MB21D2: variants seen among roughly 807,000 people sequenced by gnomAD.
MB21D2 encodes Mab-21 domain containing 2, also known as nucleotidyltransferase MB21D2.
In MB21D2, 9 loss-of-function variants were observed where a neutral mutation model predicts 33.3. The ratio of observed to expected loss-of-function variants is 0.27; its 90% CI spans 0.16 to 0.47. MB21D2 has a LOEUF of 0.47. Among genes scored for constraint, MB21D2 ranks in the 20% least tolerant of loss-of-function variants. MB21D2 has a pLI of 0.99. For synonymous variants in MB21D2, 241 were observed against 236.3 expected, an observed-to-expected ratio of 1.02 and a Z score of -0.18; for missense variants, 540 against 624.6, an observed-to-expected ratio of 0.86 and a Z score of 1.44.
chr3:192,851,329 T>A (rs1212518999), intron 1 of MB21D2, among the ~76,000 whole-genome samples: 1 of 152,060 alleles, frequency 6.6e-6, no homozygotes, highest in Non-Finnish European at 1.5e-5. Context: ...AAAGGAGATT[T>A]GTGTCTGCCA....
At chr3:192,828,591 CATATATATATATATATATATATATA>C (rs1437046207) in intron 1 of MB21D2, among the ~76,000 whole-genome samples, 686 of 54,132 alleles carry the variant, frequency 0.013, 111 homozygotes, top group Non-Finnish European at 0.02. Flanking sequence ...TCACCCCCCC[CATATATATATATATATATATATATA>C]TATATATATA....
rs528445361 is a variant in MB21D2, at chr3:192,797,402, G to A, written c.*984C>T. The A allele has an allele frequency of 6.6e-6, 1 of 152,422 alleles. No homozygotes were observed. Among genetic ancestry groups the A allele is most frequent in the South Asian group, 2.1e-4 (1 of 4,804 alleles). The allele number at this position is 152,422 out of a possible 1,614,324, so 9.4% of individuals were successfully genotyped here. ...GTATATTTTCCCCAGCTTTAGATGGGGTCAACATGTATAAAGCTTTAACAA... is the reference window on the plus strand; with the variant it reads ...GTATATTTTCCCCAGCTTTAGATGGAGTCAACATGTATAAAGCTTTAACAA... On this transcript the variant is annotated 3_prime_UTR_variant, in exon 2 of 2. Transcript: ENST00000392452.
Position 192,797,721 on chromosome 3 carries a change from G to T in MB21D2, c.*665C>A, listed in dbSNP as rs6780822. 0.59 allele frequency: 89,815 copies of T among 152,404 alleles called. 27,885 individuals carry two copies. Among genetic ancestry groups the T allele is most frequent in the African/African-American group, 0.79 (32,912 of 41,476 alleles). The allele number at this position is 152,404 out of a possible 1,614,324, so 9.4% of individuals were successfully genotyped here. A position where few individuals can be genotyped will look rare whatever the true frequency, so the allele number is the denominator to read the frequency against. ...ATTAACATTTGGAAACCTTAATTCT[G>T]CTTGGAAAACTGTCAAAGACACCCT... On this transcript the variant is annotated 3_prime_UTR_variant, in exon 2 of 2. Transcript: ENST00000392452.
intron 1 of MB21D2, among the ~76,000 whole-genome samples, chr3:192,882,742 T>C (rs1459497349): frequency 6.6e-6 from 1 of 151,982 alleles, no homozygotes; most frequent in Non-Finnish European, 1.5e-5. Context: ...AGTTTCCTTT[T>C]TTTTTCTTTG....
chr3:192,809,767 ATACT>A (rs1212455712), intron 1 of MB21D2, among the ~76,000 whole-genome samples: 4 of 152,224 alleles, frequency 2.6e-5, no homozygotes, highest in African/African-American at 7.2e-5. Flanking sequence ...TTATAAAAAG[ATACT>A]TAGTGCTGAG....
chr3:192,808,028 A>G (rs1711703910), intron 1 of MB21D2, among the ~76,000 whole-genome samples: 1 of 152,064 alleles, frequency 6.6e-6, no homozygotes, highest in African/African-American at 2.4e-5. Context: ...AGAGCAAGCC[A>G]TGTCTAGAAG....
chr3:192,882,111 G>C (rs911185420), intron 1 of MB21D2, among the ~76,000 whole-genome samples: 1 of 151,866 alleles, frequency 6.6e-6, no homozygotes, highest in Non-Finnish European at 1.5e-5. Context: ...CTAAGACTTG[G>C]CACAAAACTG....
intron 1 of MB21D2, among the ~76,000 whole-genome samples, chr3:192,885,007 A>G (rs903195539): frequency 6.6e-6 from 1 of 152,080 alleles, no homozygotes; most frequent in Non-Finnish European, 1.5e-5. Flanking sequence ...ATAATTATAT[A>G]TGTTTCTGGA....
chr3:192,897,774 T>C (rs1204903683), intron 1 of MB21D2, among the ~76,000 whole-genome samples: 1 of 152,042 alleles, frequency 6.6e-6, no homozygotes, highest in Non-Finnish European at 1.5e-5. Flanking sequence ...GGAGGATCAC[T>C]TGAGCCCAGG....
At chr3:192,868,508 TTAAG>T (rs1713217038) in intron 1 of MB21D2, among the ~76,000 whole-genome samples, 1 of 151,704 alleles carries the variant, frequency 6.6e-6, no homozygotes, top group Middle Eastern at 3.4e-3. Context: ...CAAGTTTGTA[TTAAG>T]TTTTTTTTTT....
intron 1 of MB21D2, among the ~76,000 whole-genome samples, chr3:192,849,318 G>T (rs868850960): frequency 6.0e-5 from 8 of 133,770 alleles, no homozygotes; most frequent in African/African-American, 1.9e-4. Flanking sequence ...TCTTTTTTTG[G>T]GGGGGGGGCG....
intron 1 of MB21D2, among the ~76,000 whole-genome samples, chr3:192,863,936 C>T (rs1713107401): frequency 6.6e-6 from 1 of 152,056 alleles, no homozygotes; most frequent in African/African-American, 2.4e-5. Flanking sequence ...GGTTTATAAC[C>T]CACCCAGTCT....
At chr3:192,839,447 G>A (rs58197215) in intron 1 of MB21D2, among the ~76,000 whole-genome samples, 10,531 of 152,154 alleles carry the variant, frequency 0.069, 1,211 homozygotes, top group African/African-American at 0.24. Context: ...TTAAACAAGT[G>A]CCCAAATGTT....
rs551662833 is a variant in MB21D2, at chr3:192,887,985, G to A, written c.211+29645C>T. Among the ~76,000 whole-genome samples the A allele has an allele frequency of 7.6e-4, 115 of 152,104 alleles. 5 individuals are homozygous for A. In the South Asian group the frequency reaches 0.02, roughly 27 times the overall value. On this transcript the variant is annotated intron_variant, in intron 1 of 1. Coordinates refer to ENST00000392452, the MANE Select transcript of MB21D2 (RefSeq NM_178496.4). ...TGAGGAACAAGGCAACAGGGGACGC[G>A]TAGGCTGCAAGCATTTGCAAGGGGA...
chr3:192,822,589 G>C (rs1712084919), intron 1 of MB21D2, among the ~76,000 whole-genome samples: 1 of 152,224 alleles, frequency 6.6e-6, no homozygotes, highest in East Asian at 1.9e-4. Flanking sequence ...CTTAGAAAGA[G>C]TCTGACCTAT....
Position 192,869,121 on chromosome 3 carries a change from T to C in MB21D2, c.211+48509A>G, listed in dbSNP as rs185404399. ...AAATACAAAAATTAGCTGGGCATGG[T>C]GGTGTGCCCCTGTAATCCCACTTAC... On this transcript the variant is annotated intron_variant, in intron 1 of 1. Transcript: ENST00000392452. Among the ~76,000 whole-genome samples, 36 of 151,882 alleles carry C rather than the reference T, an allele frequency of 2.4e-4. No individual in the cohort carries two copies. The East Asian group carries it at 6.8e-3, about 29-fold the overall frequency.
At chr3:192,805,078 A>G (rs1711635130) in intron 1 of MB21D2, among the ~76,000 whole-genome samples, 1 of 152,224 alleles carries the variant, frequency 6.6e-6, no homozygotes, top group Non-Finnish European at 1.5e-5. Flanking sequence ...TTGCATTCCA[A>G]CATTTGCGCA....
intron 1 of MB21D2, among the ~76,000 whole-genome samples, chr3:192,818,975 C>T (rs570801418): frequency 7.6e-6 from 1 of 131,464 alleles, no homozygotes; most frequent in East Asian, 2.3e-4. Context: ...ACTGAATATC[C>T]GAGAGGCAGG....
intron 1 of MB21D2, among the ~76,000 whole-genome samples, chr3:192,875,281 C>T (rs1553258): frequency 0.61 from 92,796 of 151,896 alleles, 30,222 homozygotes; most frequent in African/African-American, 0.84. Context: ...GCTGTAAACC[C>T]TAACATCCTT....
Sources: gnomAD v4.1 joint callset for allele counts (sites outside exome capture counted in the v4.1 genomes callset) on GRCh38, gnomAD v4.1.1 for gene constraint, MANE v1.5 for transcripts, NCBI Gene and HGNC (gene_info 2026-07-23, HGNC 2026-07-21) for gene names.